Variants in SCN7A observed in about 807,000 individuals in gnomAD.
SCN7A encodes sodium channel protein type 7 subunit alpha.
In SCN7A, 138 loss-of-function variants were observed where a neutral mutation model predicts 155.2. That is an observed-to-expected ratio of 0.89 (90% CI 0.77 to 1.02). SCN7A has a LOEUF of 1.02. SCN7A is among the 50% of genes least tolerant of loss of function. The pLI is 0.00. For missense variants in SCN7A, 2,058 were observed against 1,986.6 expected (o/e 1.04, Z -0.68); for synonymous variants, 693 against 649.0 (o/e 1.07, Z -1.03).
intron 10 of SCN7A, among the ~76,000 whole-genome samples, chr2:166,457,530 A>T (rs1702311990): frequency 1.3e-5 from 2 of 152,198 alleles, no homozygotes; most frequent in Admixed American, 1.3e-4. Flanking sequence ...GAAAAATCAC[A>T]GCAAAGTAAA....
At chr2:166,482,930 C>A (rs1702962763) in intron 2 of SCN7A, among the ~76,000 whole-genome samples, 1 of 151,982 alleles carries the variant, frequency 6.6e-6, no homozygotes. Flanking sequence ...TTCTGGTGAG[C>A]CATCTTAATA....
At chr2:166,462,596 A>C in intron 9 of SCN7A, 66 bp from the exon 10 acceptor site, 2 of 1,468,714 alleles carry the variant, frequency 1.4e-6, no homozygotes, top group Non-Finnish European at 1.9e-6. Flanking sequence ...TCAAATCATA[A>C]ATATAGAACA....
chr2:166,472,278 C>A (rs761578296), intron 6 of SCN7A, 39 bp downstream of exon 6: 6 of 1,536,460 alleles, frequency 3.9e-6, no homozygotes, highest in Non-Finnish European at 5.2e-6. Flanking sequence ...ATTTTCTGAG[C>A]AAAACATTAA....
In SCN7A at chr2:166,444,784, G is replaced by A; in HGVS notation, c.1604C>T (p.Thr535Ile). 1 of 1,585,016 alleles carries A rather than the reference G, an allele frequency of 6.3e-7. No homozygotes were observed. Among genetic ancestry groups the A allele is most frequent in the Non-Finnish European group, 8.6e-7 (1 of 1,159,548 alleles). Reference sequence around the variant, plus strand: ...TACCAGGTTTCCAATGTTGAGAAGAGTGTTAGTTTGTTTACTCATTGGATA... The same window carrying A: ...TACCAGGTTTCCAATGTTGAGAAGAATGTTAGTTTGTTTACTCATTGGATA... ...EHYPMSKQTN[T>I]LLNIGNLVFI... Residue 535 changes from threonine to isoleucine, a missense_variant, in exon 13 of 26, where the codon ACT becomes ATT. Coordinates refer to ENST00000643258, the MANE Select transcript of SCN7A (RefSeq NM_002976.4).
rs1402771353 is a variant in SCN7A at position 166,404,349 on chromosome 2, A to G, written c.*1231T>C. ...TGAAAACTAATGTTTAGGATTTTAC[A>G]GTTCTTTGAATATAAAACATTTTAT... is the stretch of plus-strand genomic sequence containing the variant. On this transcript the variant is annotated 3_prime_UTR_variant, in exon 26 of 26. Coordinates refer to ENST00000643258, the MANE Select transcript of SCN7A (RefSeq NM_002976.4). 1 of 151,968 alleles carries G rather than the reference A, an allele frequency of 6.6e-6. No homozygotes were observed. Among genetic ancestry groups the G allele is most frequent in the Non-Finnish European group, 1.5e-5 (1 of 67,942 alleles). 9.4% of individuals were successfully genotyped at this position (151,968 alleles called of 1,614,324 possible).
At chr2:166,443,412 T>C in intron 14 of SCN7A, 91 bp downstream of exon 14, 1 of 1,040,092 alleles carries the variant, frequency 9.6e-7, no homozygotes, top group Non-Finnish European at 1.4e-6. Flanking sequence ...AATGTCCCAA[T>C]GGGATAGGTA....
At chr2:166,467,992 A>G (rs920408694) in intron 7 of SCN7A, among the ~76,000 whole-genome samples, 4 of 151,938 alleles carry the variant, frequency 2.6e-5, no homozygotes, top group Non-Finnish European at 5.9e-5. Flanking sequence ...TATTTTAGAT[A>G]AAATACATGT....
chr2:166,486,212 T>A (rs1416591051), intron 2 of SCN7A, among the ~76,000 whole-genome samples: 1 of 152,146 alleles, frequency 6.6e-6, no homozygotes, highest in Non-Finnish European at 1.5e-5. Flanking sequence ...AATCTGTAGA[T>A]TTCCTTGACC....
chr2:166,466,333 A>T (rs1163575818), intron 7 of SCN7A, among the ~76,000 whole-genome samples: 1 of 152,164 alleles, frequency 6.6e-6, no homozygotes, highest in Non-Finnish European at 1.5e-5. Context: ...TAAGGTTATA[A>T]ATCAAAATTA....
At chr2:166,439,813 T>C (rs971877529) in intron 15 of SCN7A, among the ~76,000 whole-genome samples, 9 of 152,170 alleles carry the variant, frequency 5.9e-5, no homozygotes, top group Non-Finnish European at 1.2e-4. Flanking sequence ...ATAAAGAAGA[T>C]AGAGAAGTAC....
chr2:166,440,418 T>C (rs897744204), intron 15 of SCN7A, among the ~76,000 whole-genome samples: 1 of 152,100 alleles, frequency 6.6e-6, no homozygotes, highest in Non-Finnish European at 1.5e-5. Context: ...AGGTCTGGGA[T>C]TGGGGTCTGG....
chr2:166,461,346 A>G (rs1194233708), intron 10 of SCN7A, among the ~76,000 whole-genome samples: 1 of 151,998 alleles, frequency 6.6e-6, no homozygotes, highest in East Asian at 1.9e-4. Flanking sequence ...AAATAACACT[A>G]TTTTCTACTA....
chr2:166,481,268 G>C (rs1260133329), intron 2 of SCN7A, among the ~76,000 whole-genome samples: 2 of 151,822 alleles, frequency 1.3e-5, no homozygotes, highest in African/African-American at 4.8e-5. Context: ...CATAAAATTG[G>C]GATTCCTCTT....
chr2:166,431,958 A>C (rs1320470469), intron 16 of SCN7A, among the ~76,000 whole-genome samples: 2 of 152,038 alleles, frequency 1.3e-5, no homozygotes, highest in African/African-American at 2.4e-5. Context: ...TGGTTTCCTC[A>C]GTATACTTTT....
At chr2:166,429,942 G>A (rs1701699354) in intron 16 of SCN7A, among the ~76,000 whole-genome samples, 1 of 151,966 alleles carries the variant, frequency 6.6e-6, no homozygotes, top group Non-Finnish European at 1.5e-5. Flanking sequence ...AGGTAATAGT[G>A]CTAATGATAC....
chr2:166,454,251 G>C (rs1421248620), intron 11 of SCN7A, among the ~76,000 whole-genome samples: 3 of 152,036 alleles, frequency 2.0e-5, no homozygotes, highest in Non-Finnish European at 2.9e-5. Flanking sequence ...GAAGGACCCC[G>C]GACTCATTTC....
At chr2:166,467,385 AT>A (rs1702558003) in intron 7 of SCN7A, among the ~76,000 whole-genome samples, 1 of 151,440 alleles carries the variant, frequency 6.6e-6, no homozygotes, top group African/African-American at 2.4e-5. Flanking sequence ...TTTATACTGA[AT>A]TTTTTTCATA....
chr2:166,475,846 T>C (rs1049006630), intron 3 of SCN7A, among the ~76,000 whole-genome samples: 1 of 152,014 alleles, frequency 6.6e-6, no homozygotes, highest in Non-Finnish European at 1.5e-5. Flanking sequence ...TCTACCAAGC[T>C]ATCCGTGCAG....
At chr2:166,480,931 T>C (rs1192253252) in intron 2 of SCN7A, among the ~76,000 whole-genome samples, 3 of 152,190 alleles carry the variant, frequency 2.0e-5, no homozygotes, top group African/African-American at 7.2e-5. Flanking sequence ...ATATATGTAT[T>C]TGAACGTTAG....
Sources: gnomAD v4.1 joint callset for allele counts (sites outside exome capture counted in the v4.1 genomes callset) on GRCh38, gnomAD v4.1.1 for gene constraint, MANE v1.5 for transcripts, NCBI Gene and HGNC (gene_info 2026-07-23, HGNC 2026-07-21) for gene names.